Variants in TENT2 observed in about 807,000 individuals in gnomAD.
TENT2 encodes terminal nucleotidyltransferase 2.
TENT2 carries 44 observed loss-of-function variants against 72.2 expected under a neutral mutation model. The ratio of observed to expected loss-of-function variants is 0.61; its 90% confidence interval spans 0.48 to 0.78. The LOEUF (loss-of-function observed/expected upper bound fraction) is 0.78. Among genes scored for constraint, TENT2 ranks in the 30% least tolerant of loss-of-function variants. The probability of loss-of-function intolerance (pLI) is 0.00; values close to 1 mark genes in which losing one functional copy is unlikely to be tolerated. For synonymous variants in TENT2, 212 were observed against 192.5 expected, an observed-to-expected ratio of 1.10 and a Z score of -0.84; for missense variants, 541 against 569.6, an observed-to-expected ratio of 0.95 and a Z score of 0.51.
In TENT2 at chr5:79,668,874, C is replaced by G. The variant is rs1810608931; in HGVS notation, c.1072-18C>G. 8 of 1,590,304 alleles carry G rather than the reference C, an allele frequency of 5.0e-6. No homozygotes were observed. The highest frequency in any genetic ancestry group is 6.0e-6 in the Non-Finnish European group (7 of 1,168,940). ...TTTTAAATGGCTTTACATTTTTTCC[C>G]CTTCTTCTTTTTGACAGGAGTCTTT... On this transcript the variant is annotated intron_variant, in intron 11 of 14. Transcript: ENST00000453514.
intron 10 of TENT2, among the ~76,000 whole-genome samples, chr5:79,650,195 G>T (rs1307420385): frequency 6.6e-6 from 1 of 152,060 alleles, no homozygotes. Context: ...ACATATTTTA[G>T]CATATATAAT....
At chr5:79,614,675 A>T (rs973034129) in intron 1 of TENT2, among the ~76,000 whole-genome samples, 13 of 152,190 alleles carry the variant, frequency 8.5e-5, no homozygotes, top group African/African-American at 3.1e-4. Flanking sequence ...TATATAGCTA[A>T]TCTCTACTTA....
In TENT2 at chr5:79,623,363, A is replaced by G. The variant is rs1254203114; in HGVS notation, c.339A>G (p.Arg113=). The G allele has an allele frequency of 6.2e-7, 1 of 1,613,858 alleles. No individual in the cohort carries two copies. The highest frequency in any genetic ancestry group is 8.5e-7 in the Non-Finnish European group (1 of 1,179,834). ...VNQIVPLSGE[R]RYSMPPLFHT... is the part of the protein sequence containing the mutation. ...AGATAGTGCCTTTATCAGGTGAACG[A>G]AGATACTCAATGCCACCATTGTTTC... The change falls in exon 4 of 15, where the codon CGA becomes CGG. Residue 113 remains arginine (R), a synonymous_variant. Transcript: ENST00000453514.
chr5:79,618,177 T>C (rs1251104834), intron 1 of TENT2, among the ~76,000 whole-genome samples: 2 of 152,226 alleles, frequency 1.3e-5, no homozygotes, highest in Non-Finnish European at 2.9e-5. Context: ...AGTTATCTTT[T>C]AAATTTCTGC....
chr5:79,684,401 G>A (rs192549588), intron 14 of TENT2, among the ~76,000 whole-genome samples: 2 of 152,078 alleles, frequency 1.3e-5, no homozygotes, highest in Non-Finnish European at 2.9e-5. Context: ...GACTATAGGC[G>A]TGTGCCACCA....
At chr5:79,622,903 C>A (rs932341893) in intron 3 of TENT2, among the ~76,000 whole-genome samples, 22 of 152,050 alleles carry the variant, frequency 1.4e-4, no homozygotes, top group African/African-American at 5.1e-4. Context: ...ATCGTATCTT[C>A]CTTATGTTAT....
intron 10 of TENT2, among the ~76,000 whole-genome samples, chr5:79,652,583 A>C (rs1330649731): frequency 6.6e-6 from 1 of 152,040 alleles, no homozygotes; most frequent in Non-Finnish European, 1.5e-5. Flanking sequence ...AAAATAGTTT[A>C]AATGGGCCAT....
intron 3 of TENT2, among the ~76,000 whole-genome samples, chr5:79,622,472 A>T (rs1320972342): frequency 6.6e-6 from 1 of 152,162 alleles, no homozygotes; most frequent in Non-Finnish European, 1.5e-5. Flanking sequence ...TATTTTGCAA[A>T]TACTAAAACC....
In TENT2 at chr5:79,686,179, T is replaced by C. The variant is rs764633402; in HGVS notation, c.*906T>C. The C allele has an allele frequency of 6.6e-5, 10 of 152,618 alleles. No individual in the cohort carries two copies. The highest frequency in any genetic ancestry group is 1.5e-4 in the Non-Finnish European group (10 of 68,018). The allele number at this position is 152,618 out of a possible 1,614,324, so 9.5% of individuals were successfully genotyped here. On this transcript the variant is annotated 3_prime_UTR_variant, in exon 15 of 15. Transcript: ENST00000453514. Reference sequence around the variant, plus strand: ...TCAGATATTTTTCTGTGTACAATTATAGGATTGTAATCTAAACTGGAATTT... The same window carrying C: ...TCAGATATTTTTCTGTGTACAATTACAGGATTGTAATCTAAACTGGAATTT...
intron 1 of TENT2, among the ~76,000 whole-genome samples, chr5:79,616,472 G>T (rs1195251706): frequency 6.6e-6 from 1 of 151,750 alleles, no homozygotes; most frequent in Non-Finnish European, 1.5e-5. Context: ...TGGGATTATA[G>T]GCGTGCAGCC....
chr5:79,634,056 C>T (rs1435807262), intron 4 of TENT2, among the ~76,000 whole-genome samples: 1 of 148,680 alleles, frequency 6.7e-6, no homozygotes, highest in East Asian at 2.0e-4. Context: ...ATAGTCCCAG[C>T]TACTCGGGAG....
chr5:79,638,113 A>G (rs1052655775), intron 4 of TENT2, among the ~76,000 whole-genome samples: 1 of 152,052 alleles, frequency 6.6e-6, no homozygotes, highest in Non-Finnish European at 1.5e-5. Flanking sequence ...CTGTTCTTAC[A>G]TAGTATTCAG....
At chr5:79,653,654 T>G (rs1055011351) in intron 10 of TENT2, among the ~76,000 whole-genome samples, 2 of 152,176 alleles carry the variant, frequency 1.3e-5, no homozygotes, top group Admixed American at 6.5e-5. Context: ...AGGTCTTTCT[T>G]GAAGGACATT....
At position 79,620,026 on chromosome 5, in the gene TENT2, CAT is replaced by C. The variant is rs1485066487; in HGVS notation, c.173_174del (p.Tyr58TrpfsTer23). On this transcript the variant is annotated frameshift_variant, in exon 3 of 15. Coordinates refer to ENST00000453514, the MANE Select transcript of TENT2 (RefSeq NM_001114394.3). LOFTEE classifies it high-confidence loss of function. The stretch of plus-strand genomic sequence containing the variant: ...AGAGCTGTGTCATTACAGCAGCTGA[CAT>C]ATGGAAATGTCAGTCCAATACAGAC... 1.9e-6 allele frequency: 3 copies of C among 1,611,888 alleles called. No individual in the cohort carries two copies. Among genetic ancestry groups the C allele is most frequent in the Admixed American group, 1.7e-5 (1 of 59,972 alleles).
intron 12 of TENT2, among the ~76,000 whole-genome samples, chr5:79,669,806 ATTAT>A (rs1347606866): frequency 6.6e-6 from 1 of 151,870 alleles, no homozygotes. Flanking sequence ...TTATTATATT[ATTAT>A]TTATATTTAT....
In TENT2 at chr5:79,660,262, CTT is replaced by C. The variant is rs373475834; in HGVS notation, c.1071+3262_1071+3263del. On this transcript the variant is annotated intron_variant, in intron 11 of 14. Transcript: ENST00000453514. ...CTGCTTATTACTAAATTCTTATTGA[CTT>C]AACGTAGCTGATGGAGGGGTACGTT... Among the ~76,000 whole-genome samples, 657 of 152,170 alleles carry C rather than the reference CTT, an allele frequency of 4.3e-3. 2 individuals are homozygous for C. Among genetic ancestry groups the C allele is most frequent in the African/African-American group, 0.015 (617 of 41,526 alleles).
chr5:79,659,562 A>AAG (rs1561547438), intron 11 of TENT2, among the ~76,000 whole-genome samples: 3 of 59,020 alleles, frequency 5.1e-5, no homozygotes, highest in African/African-American at 4.5e-4. Flanking sequence ...AAATGTATAT[A>AAG]TATATATATA....
intron 11 of TENT2, among the ~76,000 whole-genome samples, chr5:79,659,556 G>GTA (rs71855117): frequency 0.14 from 4,649 of 34,018 alleles, 565 homozygotes; most frequent in Non-Finnish European, 0.17. Flanking sequence ...AAAAAAAAAT[G>GTA]TATATATATA....
At chr5:79,665,098 G>A (rs566883268) in intron 11 of TENT2, among the ~76,000 whole-genome samples, 6 of 152,248 alleles carry the variant, frequency 3.9e-5, no homozygotes, top group African/African-American at 9.6e-5. Context: ...ACCTACCTGC[G>A]TGCAATTCAG....
Sources: gnomAD v4.1 joint callset for allele counts (sites outside exome capture counted in the v4.1 genomes callset) on GRCh38, gnomAD v4.1.1 for gene constraint, MANE v1.5 for transcripts, NCBI Gene and HGNC (gene_info 2026-07-23, HGNC 2026-07-21) for gene names.